RGS6: variants seen among roughly 807,000 people sequenced by gnomAD.
RGS6 encodes regulator of G protein signaling 6, also known as regulator of G-protein signaling 6.
Under a neutral mutation model 78.5 loss-of-function variants are expected in RGS6, and 30 were observed. That is an observed-to-expected ratio of 0.38 (90% CI 0.29 to 0.52). RGS6 has a LOEUF of 0.52. RGS6 is among the 20% of genes least tolerant of loss of function. RGS6 has a pLI of 0.85. For missense variants in RGS6, 495 were observed against 609.7 expected (o/e 0.81, Z 1.98); for synonymous variants, 206 against 206.0 (o/e 1.00, Z 0.00).
the RGS6 span, among the ~76,000 whole-genome samples, chr14:72,593,830 GA>G: frequency 6.6e-6 from 1 of 152,050 alleles, no homozygotes; most frequent in Non-Finnish European, 1.5e-5. Flanking sequence ...CCTCTTCTTA[GA>G]ATGTCCAGAA....
chr14:71,942,362 T>C lies in RGS6; in HGVS notation c.-21+9421T>C, dbSNP rs917357693. On this transcript the variant is annotated intron_variant, in intron 1 of 17. Coordinates refer to ENST00000553525, the MANE Select transcript of RGS6 (RefSeq NM_001204424.2). Reference sequence around the variant, plus strand: ...TACCACATACACATATTTCAAAAAATGGAAGTTTCACTATTAATTACCCTA... The same window carrying C: ...TACCACATACACATATTTCAAAAAACGGAAGTTTCACTATTAATTACCCTA... Among the ~76,000 whole-genome samples the C allele has an allele frequency of 6.6e-5, 10 of 151,918 alleles. No homozygotes were observed. The South Asian group carries it at 8.3e-4, about 13-fold the overall frequency.
At chr14:72,070,087 T>C (rs180693319) in intron 2 of RGS6, among the ~76,000 whole-genome samples, 1 of 152,252 alleles carries the variant, frequency 6.6e-6, no homozygotes, top group Admixed American at 6.5e-5. Flanking sequence ...ATTTTGTTTT[T>C]TGTTAGTGTA....
chr14:72,189,566 C>G (rs766520297), intron 2 of RGS6, among the ~76,000 whole-genome samples: 1 of 152,066 alleles, frequency 6.6e-6, no homozygotes, highest in East Asian at 1.9e-4. Context: ...ATAAGAGGGC[C>G]TTGATCATTG....
intron 1 of RGS6, among the ~76,000 whole-genome samples, chr14:71,956,928 A>G (rs878952323): frequency 2.0e-5 from 3 of 152,214 alleles, no homozygotes; most frequent in Admixed American, 1.3e-4. Context: ...TGTGTGTTCA[A>G]TGGATTAAAT....
chr14:72,022,200 C>A lies in RGS6; in HGVS notation c.84+57325C>A, dbSNP rs536745138. On this transcript the variant is annotated intron_variant, in intron 2 of 17. Transcript: ENST00000553525. ...TTAATGGGCATTTAGATTGACTCCACCATGTCTTTGCTATTGTGAAGAGTG... is the reference window on the plus strand; with the variant it reads ...TTAATGGGCATTTAGATTGACTCCAACATGTCTTTGCTATTGTGAAGAGTG... Among the ~76,000 whole-genome samples the A allele has an allele frequency of 1.9e-3, 286 of 152,232 alleles. 4 individuals carry two copies. The highest frequency in any genetic ancestry group is 9.7e-4 in the Non-Finnish European group (66 of 68,014).
At chr14:72,425,200 A>G (rs1048708554) in intron 3 of RGS6, among the ~76,000 whole-genome samples, 1 of 152,128 alleles carries the variant, frequency 6.6e-6, no homozygotes, top group African/African-American at 2.4e-5. Context: ...GTGTAGTGGT[A>G]CAATCTTGAC....
intron 2 of RGS6, among the ~76,000 whole-genome samples, chr14:72,039,871 T>A (rs903917048): frequency 6.6e-6 from 1 of 150,830 alleles, no homozygotes; most frequent in Non-Finnish European, 1.5e-5. Context: ...TTCTTTTGTA[T>A]GTCTTCTATA....
intron 2 of RGS6, among the ~76,000 whole-genome samples, chr14:71,996,413 G>A (rs2095208260): frequency 6.6e-6 from 1 of 152,144 alleles, no homozygotes; most frequent in South Asian, 2.1e-4. Flanking sequence ...ACACAGTCCT[G>A]CCTGTAAGAG....
chr14:72,566,140 C>T lies in RGS6; in HGVS notation c.*3673C>T, dbSNP rs974885187. 6.6e-6 allele frequency: 1 copy of T among 152,218 alleles called. No individual in the cohort carries two copies. Among genetic ancestry groups the T allele is most frequent in the African/African-American group, 2.4e-5 (1 of 41,446 alleles). The allele number at this position is 152,218 out of a possible 1,614,324, so 9.4% of individuals were successfully genotyped here. A position where few individuals can be genotyped will look rare whatever the true frequency, so the allele number is the denominator to read the frequency against. On this transcript the variant is annotated 3_prime_UTR_variant, in exon 18 of 18. Coordinates refer to ENST00000553525, the MANE Select transcript of RGS6 (RefSeq NM_001204424.2). ...CATAGCAACAGCAGATGCCAGCAAC[C>T]TACTCATTAGTACCACCCAGTGATA... is the stretch of plus-strand genomic sequence containing the variant.
rs867347482 is a variant in RGS6 at position 72,472,889 on chromosome 14, A to C, written c.554A>C (p.Asp185Ala). The C allele has an allele frequency of 6.2e-7, 1 of 1,612,866 alleles. No homozygotes were observed. Among genetic ancestry groups the C allele is most frequent in the East Asian group, 2.2e-5 (1 of 44,848 alleles). The change falls in exon 9 of 18, where the codon GAC becomes GCC. Residue 185 changes from aspartate (D) to alanine (A), a missense_variant. Coordinates refer to ENST00000553525, the MANE Select transcript of RGS6 (RefSeq NM_001204424.2). ...TCTTTCAGGATTGACCGGAAAAAAG[A>C]CAAGACAGAAAGGAAAATTTTGGAT... ...EAQVKIDRKK[D>A]KTERKILDSQ...
chr14:72,024,009 T>C (rs1182416910), intron 2 of RGS6, among the ~76,000 whole-genome samples: 1 of 152,134 alleles, frequency 6.6e-6, no homozygotes, highest in Non-Finnish European at 1.5e-5. Context: ...AATGAGCTCA[T>C]TGGGATTTGC....
chr14:72,166,093 GACACACACACACACACAC>G (rs3055029), intron 2 of RGS6, among the ~76,000 whole-genome samples: 38 of 107,796 alleles, frequency 3.5e-4, no homozygotes, highest in South Asian at 1.3e-3. Context: ...CCATTTTTGA[GACACACACACACACACAC>G]ACACACACAC....
chr14:72,439,475 A>G (rs1350228562), intron 3 of RGS6, among the ~76,000 whole-genome samples: 1 of 152,250 alleles, frequency 6.6e-6, no homozygotes, highest in East Asian at 1.9e-4. Flanking sequence ...GATGCAAAGT[A>G]TCAGTGTAGA....
At chr14:72,394,020 A>G (rs1337813672) in intron 3 of RGS6, among the ~76,000 whole-genome samples, 2 of 152,164 alleles carry the variant, frequency 1.3e-5, no homozygotes, top group African/African-American at 2.4e-5. Flanking sequence ...GAGCATGTGT[A>G]AGCTAAGAAA....
intron 3 of RGS6, among the ~76,000 whole-genome samples, chr14:72,442,163 G>A (rs966437409): frequency 6.6e-6 from 1 of 152,048 alleles, no homozygotes; most frequent in African/African-American, 2.4e-5. Context: ...TCTGGTGTCT[G>A]GCATAGTGCT....
chr14:72,550,272 A>G (rs1040828684), intron 17 of RGS6, among the ~76,000 whole-genome samples: 2 of 152,066 alleles, frequency 1.3e-5, no homozygotes, highest in African/African-American at 2.4e-5. Flanking sequence ...TCTCTCAGAT[A>G]CTCCATTAAA....
the RGS6 span, among the ~76,000 whole-genome samples, chr14:72,616,189 A>G: frequency 3.3e-5 from 5 of 152,286 alleles, no homozygotes; most frequent in East Asian, 3.9e-4. Flanking sequence ...TGAGGCTCAG[A>G]GAGTTGAAGT....
At chr14:72,133,876 C>G (rs1412971779) in intron 2 of RGS6, among the ~76,000 whole-genome samples, 2 of 152,124 alleles carry the variant, frequency 1.3e-5, no homozygotes, top group South Asian at 2.1e-4. Context: ...TAGAAGGCAT[C>G]TTTCATATCC....
chr14:72,113,169 C>T (rs1474389780), intron 2 of RGS6, among the ~76,000 whole-genome samples: 2 of 152,202 alleles, frequency 1.3e-5, no homozygotes, highest in Non-Finnish European at 2.9e-5. Context: ...AGCCCCCCGA[C>T]ATGTGGATGA....
Sources: gnomAD v4.1 joint callset for allele counts (sites outside exome capture counted in the v4.1 genomes callset) on GRCh38, gnomAD v4.1.1 for gene constraint, MANE v1.5 for transcripts, NCBI Gene and HGNC (gene_info 2026-07-23, HGNC 2026-07-21) for gene names.